FLNA: variants seen among roughly 807,000 people sequenced by gnomAD.
FLNA encodes filamin-A.
A neutral mutation model predicts 157.6 loss-of-function variants in FLNA; 7 were observed. That is an observed-to-expected ratio of 0.04 (90% CI 0.03 to 0.08). The LOEUF is 0.08. FLNA is among the 10% of genes least tolerant of loss of function. FLNA has a pLI of 1.00. For synonymous variants in FLNA, 1,103 were observed against 1,060.8 expected (o/e 1.04, Z -0.77); for missense variants, 1,750 against 2,398.4 (o/e 0.73, Z 5.65).
chrX:154,371,683 C>T (rs2067810032), intron 1 of FLNA, among the ~76,000 whole-genome samples: 1 of 113,222 alleles, frequency 8.8e-6, no homozygotes, highest in African/African-American at 3.2e-5. Flanking sequence ...GCCGGCGCGC[C>T]TTACAAGGGA....
rs59731635 is a variant in FLNA at position 154,359,100 on chromosome X, C to A, written c.4358G>T (p.Cys1453Phe). The change falls in exon 26 of 48, where the codon TGC (cysteine) becomes TTC (phenylalanine). Residue 1453 changes from cysteine to phenylalanine, a missense_variant. Physicochemically the swap from Cys to Phe is radical, Grantham distance 205. Coordinates refer to ENST00000369850, the MANE Select transcript of FLNA (RefSeq NM_001110556.2). Reference sequence around the variant, plus strand: ...GCCTGGGCTCAGGCCGGGCCCAGAGCACTTGACCTTGGACGCATCTGTCAC... The same window carrying A: ...GCCTGGGCTCAGGCCGGGCCCAGAGAACTTGACCTTGGACGCATCTGTCAC... ...HDVTDASKVK[C>F]SGPGLSPGMV... The A allele has an allele frequency of 8.3e-7, 1 of 1,210,126 alleles. No individual in the cohort carries two copies. The highest frequency in any genetic ancestry group is 3.0e-5 in the East Asian group (1 of 33,777).
At chrX:154,367,773 G>A (rs782594533) in intron 3 of FLNA, 35 bp from the exon 4 acceptor site, 24 of 1,210,103 alleles carry the variant, frequency 2.0e-5, no homozygotes, top group South Asian at 5.3e-5. Context: ...TCTGGGGGCC[G>A]CAGAACCCCC....
At position 154,350,181 on chromosome X, in the gene FLNA, G is replaced by A. The variant is rs368038166; in HGVS notation, c.7183C>T (p.Arg2395Trp). ...QDKYAVRFIP[R>W]ENGVYLIDVK... ...TCAATCAGGTAAACGCCATTCTCCC[G>A]AGGGATGAAGCGCACAGCATACTTA... Residue 2395 changes from arginine (R) to tryptophan (W), a missense_variant, in exon 45 of 48, where the codon CGG becomes TGG. Physicochemically the swap from Arg to Trp is moderately radical, Grantham distance 101. Coordinates refer to ENST00000369850, the MANE Select transcript of FLNA (RefSeq NM_001110556.2). 7 of 1,210,358 alleles carry A rather than the reference G, an allele frequency of 5.8e-6. No individual in the cohort carries two copies. Among genetic ancestry groups the A allele is most frequent in the Non-Finnish European group, 7.8e-6 (7 of 895,102 alleles).
In FLNA at chrX:154,364,851, C is replaced by G. The variant is rs781861830; in HGVS notation, c.1798G>C (p.Glu600Gln). 6 of 1,210,125 alleles carry G rather than the reference C, an allele frequency of 5.0e-6. No homozygotes were observed. The African/African-American group carries it at 7.0e-5, about 14-fold the overall frequency. Residue 600 changes from glutamate (E) to glutamine (Q), a missense_variant, in exon 12 of 48, where the codon GAG (glutamate) becomes CAG (glutamine). Coordinates refer to ENST00000369850, the MANE Select transcript of FLNA (RefSeq NM_001110556.2). The part of the protein sequence containing the change: ...VVGKSADFVV[E>Q]AIGDDVGTLG... ...GTGCCCACGTCGTCCCCGATAGCCT[C>G]CACCACAAAGTCTGCTGACTTGCCA...
chrX:154,363,662 G>A lies in FLNA; in HGVS notation c.2280+360C>T, dbSNP rs781890784. Among the ~76,000 whole-genome samples the A allele has an allele frequency of 7.2e-5, 8 of 111,796 alleles. No individual in the cohort carries two copies. The East Asian group carries it at 1.7e-3, about 23-fold the overall frequency. ...TGGGAGAAAGAGCCTGCAGTGAGCC[G>A]AGATCGCGCCATTGCACTCCAGCCT... On this transcript the variant is annotated intron_variant, in intron 15 of 47. Transcript: ENST00000369850.
At chrX:154,349,889 C>G (rs1557175406) in intron 45 of FLNA, 22 bp from the exon 46 acceptor site, 2 of 1,200,413 alleles carry the variant, frequency 1.7e-6, no homozygotes, top group Admixed American at 2.2e-5. Flanking sequence ...GGAGGTCAGG[C>G]AGAGCCAGAC....
intron 1 of FLNA, among the ~76,000 whole-genome samples, chrX:154,372,324 G>A (rs1557180539): frequency 8.8e-6 from 1 of 113,044 alleles, no homozygotes; most frequent in Non-Finnish European, 1.9e-5. Flanking sequence ...TCAGCCCAGC[G>A]TGGCCAGGGC....
chrX:154,364,979 A>G lies in FLNA; in HGVS notation c.1692-22T>C, dbSNP rs372175826. 102 of 1,209,352 alleles carry G rather than the reference A, an allele frequency of 8.4e-5. 1 individual carries two copies. In the East Asian group the frequency reaches 2.1e-3, roughly 25 times the overall value. Reference sequence around the variant, plus strand: ...GGGACTGCAAATGCGAGAGCCACACAGGGAACACCGAGGATCACCACATGA... The same window carrying G: ...GGGACTGCAAATGCGAGAGCCACACGGGGAACACCGAGGATCACCACATGA... On this transcript the variant is annotated intron_variant, in intron 11 of 47. Coordinates refer to ENST00000369850, the MANE Select transcript of FLNA (RefSeq NM_001110556.2).
In FLNA at chrX:154,359,165, G is replaced by A. The variant is rs1488772692; in HGVS notation, c.4304-11C>T. The A allele has an allele frequency of 8.3e-7, 1 of 1,211,327 alleles. No homozygotes were observed. On this transcript the variant is annotated splice_polypyrimidine_tract_variant and intron_variant, in intron 25 of 47. Transcript: ENST00000369850. ...CCTTGAAAGGACTGCCTGAGGGTTG[G>A]GGCAAAGGGATGGCGGCTGTATGAG...
intron 2 of FLNA, 26 bp downstream of exon 2, chrX:154,370,847 G>A: frequency 8.3e-7 from 1 of 1,206,117 alleles, no homozygotes; most frequent in Non-Finnish European, 1.1e-6. Context: ...GCCCCCGCCC[G>A]CCCGGCGCTT....
intron 30 of FLNA, among the ~76,000 whole-genome samples, chrX:154,355,300 C>G (rs1301209643): frequency 8.8e-6 from 1 of 113,579 alleles, no homozygotes; most frequent in African/African-American, 3.2e-5. Flanking sequence ...GGGAGAGGCC[C>G]GACAGTAGCA....
chrX:154,371,318 G>C lies in FLNA; in HGVS notation c.-73C>G. On this transcript the variant is annotated 5_prime_UTR_variant, in exon 2 of 48. Coordinates refer to ENST00000369850, the MANE Select transcript of FLNA (RefSeq NM_001110556.2). ...GGACGGCCCTTTAATTAAAGTCGCA[G>C]GCACCTAGGCGCGCGGGAGGCGAGG... 1.8e-6 allele frequency: 2 copies of C among 1,142,013 alleles called. No homozygotes were observed. The allele number at this position is 1,142,013 out of a possible 1,213,427, so 94.1% of individuals were successfully genotyped here.
In FLNA at chrX:154,358,464, C is replaced by T. The variant is rs782537273; in HGVS notation, c.4579G>A (p.Asp1527Asn). 27 of 1,209,668 alleles carry T rather than the reference C, an allele frequency of 2.2e-5. No individual in the cohort carries two copies. The East Asian group carries it at 8.0e-4, about 36-fold the overall frequency. The change falls in exon 27 of 48, where the codon GAT (aspartate) becomes AAT (asparagine). Residue 1527 changes from aspartate (D) to asparagine (N), a missense_variant. Around this residue, in one of 5 missense-constraint regions of FLNA, gnomAD observed 970 missense variants for 1,302.6 expected, o/e 0.74. Transcript: ENST00000369850. ...GPYSISVLYG[D>N]EEVPRSPFKV... ...TCTTACCTCCGGGGTACCTCTTCAT[C>T]TCCATACAGTACTGAGATGCTGTAG...
chrX:154,361,195 GAAAA>G (rs34190826), intron 21 of FLNA, 109 bp downstream of exon 21: 317 of 583,740 alleles, frequency 5.4e-4, no homozygotes, highest in Non-Finnish European at 6.5e-4. Context: ...TCTGTCTCAG[GAAAA>G]AAAAAAAAAA....
chrX:154,370,062 G>A lies in FLNA; in HGVS notation c.373+811C>T, dbSNP rs1434832325. 4.5e-5 allele frequency among the ~76,000 whole-genome samples: 5 copies of A among 111,738 alleles called. No homozygotes were observed. The Admixed American group carries it at 4.7e-4, about 10-fold the overall frequency. On this transcript the variant is annotated intron_variant, in intron 2 of 47. Coordinates refer to ENST00000369850, the MANE Select transcript of FLNA (RefSeq NM_001110556.2). Reference sequence around the variant, plus strand: ...AGAACGAATTGGGCTGCTGCAGCAGGCCTGGTCAATGCCAGCCTCTCCAGT... The same window carrying A: ...AGAACGAATTGGGCTGCTGCAGCAGACCTGGTCAATGCCAGCCTCTCCAGT...
chrX:154,369,358 C>A (rs2067786671), intron 2 of FLNA, among the ~76,000 whole-genome samples: 2 of 112,426 alleles, frequency 1.8e-5, no homozygotes, highest in African/African-American at 6.5e-5. Flanking sequence ...AGCCTCAGAC[C>A]CCTCAACGAC....
intron 2 of FLNA, among the ~76,000 whole-genome samples, chrX:154,369,035 C>T: frequency 8.9e-6 from 1 of 112,858 alleles, no homozygotes; most frequent in East Asian, 2.8e-4. Context: ...CAGGATGGCT[C>T]ATCTTTAGAA....
intron 44 of FLNA, 100 bp downstream of exon 44, chrX:154,350,809 G>T: frequency 2.9e-6 from 3 of 1,028,895 alleles, no homozygotes; most frequent in Non-Finnish European, 4.1e-6. Flanking sequence ...AGGAGTTGGG[G>T]CCCCGTCTTG....
In FLNA at chrX:154,362,504, T is replaced by C. The variant is rs371361696; in HGVS notation, c.2479A>G (p.Ile827Val). The stretch of plus-strand genomic sequence containing the variant: ...GTGAAGGTGTCATTGTCATTGCGGA[T>C]GATGTCGAAGTCGATGTCAGCTTCG... ...PAEADIDFDI[I>V]RNDNDTFTVK... The change falls in exon 17 of 48, where the codon ATC becomes GTC. Residue 827 changes from isoleucine (I) to valine (V), a missense_variant. Coordinates refer to ENST00000369850, the MANE Select transcript of FLNA (RefSeq NM_001110556.2). 5.8e-6 allele frequency: 7 copies of C among 1,210,260 alleles called. No individual in the cohort carries two copies. The African/African-American group carries it at 1.2e-4, about 21-fold the overall frequency.
Sources: allele counts gnomAD v4.1 joint callset (sites outside exome capture counted in the v4.1 genomes callset), GRCh38; gene constraint gnomAD v4.1.1; regional missense constraint gnomAD v4.1.1; transcripts MANE v1.5; gene names NCBI Gene and HGNC (gene_info 2026-07-23, HGNC 2026-07-21).